The following CORIN variants were observed in gnomAD, a reference collection of about 807,000 sequenced individuals.
The protein encoded by CORIN is atrial natriuretic peptide-converting enzyme.
Under a neutral mutation model 125.3 loss-of-function variants are expected in CORIN, and 117 were observed. The ratio of observed to expected loss-of-function variants is 0.93; its 90% CI spans 0.80 to 1.09. The LOEUF is 1.09. Among genes scored for constraint, CORIN ranks in the 50% least tolerant of loss-of-function variants. The probability of loss-of-function intolerance (pLI) is 0.00; values close to 1 mark genes in which losing one functional copy is unlikely to be tolerated. For missense variants in CORIN, 1,253 were observed against 1,306.7 expected, an observed-to-expected ratio of 0.96 and a Z score of 0.63; for synonymous variants, 450 against 466.4, an observed-to-expected ratio of 0.96 and a Z score of 0.45.
At chr4:47,741,136 G>GAA (rs1456727740) in intron 5 of CORIN, among the ~76,000 whole-genome samples, 1 of 151,912 alleles carries the variant, frequency 6.6e-6, no homozygotes, top group African/African-American at 2.4e-5. Context: ...TTGTTAAAAT[G>GAA]AAAACAGCCC....
intron 14 of CORIN, among the ~76,000 whole-genome samples, chr4:47,643,697 C>G (rs1165574116): frequency 6.6e-6 from 1 of 151,992 alleles, no homozygotes; most frequent in Admixed American, 6.6e-5. Flanking sequence ...CTGAGTCATA[C>G]ATAGTTCTCT....
chr4:47,627,753 G>T (rs13142266), intron 16 of CORIN, among the ~76,000 whole-genome samples: 1 of 151,948 alleles, frequency 6.6e-6, no homozygotes, highest in African/African-American at 2.4e-5. Context: ...TCCCTTCTGC[G>T]ATAGAACTAC....
chr4:47,729,589 C>T (rs1727764951), intron 5 of CORIN, among the ~76,000 whole-genome samples: 1 of 152,118 alleles, frequency 6.6e-6, no homozygotes, highest in Non-Finnish European at 1.5e-5. Flanking sequence ...TGTTGCACAA[C>T]TCTAGGAGGC....
At chr4:47,632,741 A>AGAT (rs1553905917) in intron 16 of CORIN, among the ~76,000 whole-genome samples, 2 of 111,838 alleles carry the variant, frequency 1.8e-5, no homozygotes, top group Admixed American at 1.0e-4. Flanking sequence ...ATAGATAGAT[A>AGAT]GATAGATAGA....
intron 2 of CORIN, among the ~76,000 whole-genome samples, chr4:47,789,104 A>C (rs6836412): frequency 0.16 from 23,842 of 151,928 alleles, 2,210 homozygotes; most frequent in East Asian, 0.29. Context: ...GGAGTTCTAG[A>C]CCACCCTGAC....
At position 47,724,884 on chromosome 4, in the gene CORIN, G is replaced by A. The variant is rs571711382; in HGVS notation, c.799+19518C>T. On this transcript the variant is annotated intron_variant, in intron 5 of 21. Transcript: ENST00000273857. The stretch of plus-strand genomic sequence containing the variant: ...AATAACATAATCTAATTATAGGAGT[G>A]ACTGCAACATCATATTCAGTTCATC... Among the ~76,000 whole-genome samples, 202 of 152,144 alleles carry A rather than the reference G, an allele frequency of 1.3e-3. 4 individuals are homozygous for A. The highest frequency in any genetic ancestry group is 1.3e-3 in the Non-Finnish European group (89 of 68,018).
chr4:47,694,732 G>A (rs939960765), intron 5 of CORIN, among the ~76,000 whole-genome samples: 6 of 152,146 alleles, frequency 3.9e-5, no homozygotes, highest in South Asian at 2.1e-4. Flanking sequence ...GGAGGTTCTC[G>A]ATTAATATAT....
chr4:47,637,967 G>T (rs1723091594), intron 16 of CORIN, among the ~76,000 whole-genome samples: 1 of 152,194 alleles, frequency 6.6e-6, no homozygotes, highest in Non-Finnish European at 1.5e-5. Flanking sequence ...CTAGGAGGGA[G>T]GCTGTACCCT....
chr4:47,654,388 C>G (rs1723869899), intron 12 of CORIN, among the ~76,000 whole-genome samples: 1 of 152,144 alleles, frequency 6.6e-6, no homozygotes, highest in Admixed American at 6.6e-5. Flanking sequence ...ATCATAGTAC[C>G]TGGTTTTAAA....
At chr4:47,616,389 T>C (rs183588031) in intron 19 of CORIN, among the ~76,000 whole-genome samples, 38 of 152,224 alleles carry the variant, frequency 2.5e-4, no homozygotes, top group African/African-American at 8.4e-4. Context: ...TGAGTGAGTG[T>C]AGACATACAA....
rs1722567706 is a variant in CORIN, at chr4:47,626,420, T to C, written c.2300A>G (p.Glu767Gly). 1 of 1,604,282 alleles carries C rather than the reference T, an allele frequency of 6.2e-7. No individual in the cohort carries two copies. Among genetic ancestry groups the C allele is most frequent in the Non-Finnish European group, 8.5e-7 (1 of 1,171,092 alleles). ...WESLNGTTLH[E>G]LLVNGQSCES... ...GCATTCTTACCCATTTACTAGAAGT[T>C]CATGTAAAGTGGTCCCATTGAGGCT... The change falls in exon 17 of 22, where the codon GAA becomes GGA. Residue 767 changes from glutamate (E) to glycine (G), a missense_variant. Coordinates refer to ENST00000273857, the MANE Select transcript of CORIN (RefSeq NM_006587.4).
chr4:47,618,337 A>AG (rs1553904532), intron 19 of CORIN, among the ~76,000 whole-genome samples: 1 of 143,130 alleles, frequency 7.0e-6, no homozygotes, highest in Non-Finnish European at 1.5e-5. Context: ...TCCATCAAAA[A>AG]AAAAAAAGGA....
intron 1 of CORIN, among the ~76,000 whole-genome samples, chr4:47,816,232 G>A (rs1162969117): frequency 1.2e-4 from 18 of 152,172 alleles, no homozygotes; most frequent in Admixed American, 1.1e-3. Context: ...AAGTAATGAT[G>A]TTATGCATTA....
At position 47,643,015 on chromosome 4, in the gene CORIN, A is replaced by G. The variant is rs767522233; in HGVS notation, c.2068+131T>C. 5 of 1,544,302 alleles carry G rather than the reference A, an allele frequency of 3.2e-6. No individual in the cohort carries two copies. The South Asian group carries it at 5.9e-5, about 18-fold the overall frequency. On this transcript the variant is annotated intron_variant, in intron 15 of 21. Transcript: ENST00000273857. ...ATAACACACATAGATCAGCACTATC[A>G]GCTTTTATAACAGTAAAACAAAATA...
At chr4:47,737,170 C>A (rs908106994) in intron 5 of CORIN, among the ~76,000 whole-genome samples, 3 of 152,196 alleles carry the variant, frequency 2.0e-5, no homozygotes, top group Admixed American at 2.0e-4. Context: ...TGGAGAAAAA[C>A]CAGAGGTAGA....
intron 5 of CORIN, among the ~76,000 whole-genome samples, chr4:47,724,816 G>T (rs1727513261): frequency 1.3e-5 from 2 of 152,124 alleles, no homozygotes; most frequent in Admixed American, 1.3e-4. Context: ...ACCTGATTAG[G>T]TCTACTGAGG....
At chr4:47,648,636 C>T (rs939560561) in intron 13 of CORIN, among the ~76,000 whole-genome samples, 3 of 152,144 alleles carry the variant, frequency 2.0e-5, no homozygotes, top group African/African-American at 7.2e-5. Context: ...AAAGCAGATG[C>T]TTTTTGTTCT....
chr4:47,751,439 C>T (rs370904817), intron 4 of CORIN, among the ~76,000 whole-genome samples: 5 of 152,130 alleles, frequency 3.3e-5, no homozygotes, highest in African/African-American at 1.2e-4. Flanking sequence ...CCTAAAAATC[C>T]GTCAAATCCA....
chr4:47,822,899 T>C (rs946474224), intron 1 of CORIN, among the ~76,000 whole-genome samples: 8 of 151,212 alleles, frequency 5.3e-5, no homozygotes, highest in African/African-American at 1.5e-4. Flanking sequence ...CACTGCAACC[T>C]CCACCTCCCG....
Sources: allele counts gnomAD v4.1 joint callset (sites outside exome capture counted in the v4.1 genomes callset), GRCh38; gene constraint gnomAD v4.1.1; transcripts MANE v1.5; gene names NCBI Gene and HGNC (gene_info 2026-07-23, HGNC 2026-07-21).